The following PDZD8 variants were observed in gnomAD, a reference collection of about 807,000 sequenced individuals.
PDZD8 encodes the protein PDZ domain-containing protein 8.
PDZD8 carries 14 observed loss-of-function variants against 85.8 expected under a neutral mutation model. That is an observed-to-expected ratio of 0.16 (90% CI 0.11 to 0.26). The LOEUF (loss-of-function observed/expected upper bound fraction) is 0.26. PDZD8 is among the 10% of genes least tolerant of loss of function. The pLI is 1.00. For synonymous variants in PDZD8, 592 were observed against 568.6 expected, an observed-to-expected ratio of 1.04 and a Z score of -0.59; for missense variants, 1,197 against 1,424.3, an observed-to-expected ratio of 0.84 and a Z score of 2.57.
intron 2 of PDZD8, among the ~76,000 whole-genome samples, chr10:117,330,635 T>A (rs1054761859): frequency 1.3e-5 from 2 of 152,232 alleles, no homozygotes; most frequent in Non-Finnish European, 2.9e-5. Context: ...TTCTTGTTCC[T>A]ATTAAAACAT....
At chr10:117,296,497 C>T (rs1168516489) in intron 3 of PDZD8, among the ~76,000 whole-genome samples, 3 of 151,986 alleles carry the variant, frequency 2.0e-5, no homozygotes, top group African/African-American at 4.8e-5. Flanking sequence ...AAGAAATGGA[C>T]CAAGAACAGC....
chr10:117,290,358 A>C lies in PDZD8; in HGVS notation c.1099-10T>G. On this transcript the variant is annotated splice_polypyrimidine_tract_variant and intron_variant, in intron 3 of 4. Coordinates refer to ENST00000334464, the MANE Select transcript of PDZD8 (RefSeq NM_173791.5). ...CTTTTATTAATTCAACCTTTGATAA[A>C]GGGGAAAAAAATGAAAACTGATTCA... The C allele has an allele frequency of 6.3e-7, 1 of 1,583,306 alleles. No individual in the cohort carries two copies. The highest frequency in any genetic ancestry group is 8.6e-7 in the Non-Finnish European group (1 of 1,161,222).
chr10:117,292,001 G>A (rs1844775921), intron 3 of PDZD8, among the ~76,000 whole-genome samples: 1 of 152,140 alleles, frequency 6.6e-6, no homozygotes, highest in Admixed American at 6.5e-5. Context: ...GATATCTCAT[G>A]AGGGACTTTG....
At chr10:117,324,466 G>T (rs1844281781) in intron 2 of PDZD8, among the ~76,000 whole-genome samples, 1 of 152,120 alleles carries the variant, frequency 6.6e-6, no homozygotes, top group African/African-American at 2.4e-5. Context: ...ACTCTCATCA[G>T]ATTTTTAGCC....
At chr10:117,321,233 A>G (rs1426777472) in intron 2 of PDZD8, among the ~76,000 whole-genome samples, 1 of 152,196 alleles carries the variant, frequency 6.6e-6, no homozygotes, top group Admixed American at 6.5e-5. Flanking sequence ...CAAAAAGTGG[A>G]AACAAGCCAA....
intron 1 of PDZD8, among the ~76,000 whole-genome samples, chr10:117,364,201 T>TGAGA: frequency 7.1e-6 from 1 of 141,390 alleles, no homozygotes; most frequent in East Asian, 2.3e-4. Flanking sequence ...TGTGTGTGTG[T>TGAGA]GTGTGTGAGA....
At chr10:117,291,785 T>C (rs1426218423) in intron 3 of PDZD8, among the ~76,000 whole-genome samples, 5 of 151,766 alleles carry the variant, frequency 3.3e-5, no homozygotes, top group Admixed American at 2.6e-4. Flanking sequence ...GGAATGTGGA[T>C]ACTAGATTAA....
Position 117,374,786 on chromosome 10 carries a change from C to T in PDZD8, c.442G>A (p.Val148Met), listed in dbSNP as rs767626240. The T allele has an allele frequency of 6.2e-7, 1 of 1,613,160 alleles. No homozygotes were observed. The highest frequency in any genetic ancestry group is 1.3e-5 in the African/African-American group (1 of 75,038). ...RLLEGLSLRD[V>M]FLGETVPFIK... is the part of the protein sequence containing the mutation. Reference sequence around the variant, plus strand: ...AAGGGCACCGTCTCGCCCAGGAACACGTCCCGCAGGCTCAGCCCCTCCAGC... The same window carrying T: ...AAGGGCACCGTCTCGCCCAGGAACATGTCCCGCAGGCTCAGCCCCTCCAGC... The change falls in exon 1 of 5, where the codon GTG becomes ATG. Residue 148 changes from valine (V) to methionine (M), a missense_variant. By Grantham distance (21) the Val-to-Met change is conservative. Around this residue, in one of 4 missense-constraint regions of PDZD8, gnomAD observed 344 missense variants for 453.6 expected, o/e 0.76. Transcript: ENST00000334464. This position sits in a 1 kb window ranked among gnomAD's most constrained non-coding sequence, Gnocchi z 7.8.
At position 117,277,516 on chromosome 10, in the gene PDZD8, A is replaced by G. The variant is rs363280; in HGVS notation, c.*5752T>C. The G allele has an allele frequency of 4.8e-5, 11 of 228,018 alleles. No homozygotes were observed. Among genetic ancestry groups the G allele is most frequent in the African/African-American group, 2.5e-4 (11 of 44,282 alleles). The allele number at this position is 228,018 out of a possible 1,614,324, so 14.1% of individuals were successfully genotyped here. A position where few individuals can be genotyped will look rare whatever the true frequency, so the allele number is the denominator to read the frequency against. ...TGTATTTAATTTTATTAAATATCATACAATATATTTTGATGAAATAGGTAT... is the reference window on the plus strand; with the variant it reads ...TGTATTTAATTTTATTAAATATCATGCAATATATTTTGATGAAATAGGTAT... On this transcript the variant is annotated 3_prime_UTR_variant, in exon 5 of 5. Coordinates refer to ENST00000334464, the MANE Select transcript of PDZD8 (RefSeq NM_173791.5).
chr10:117,341,336 C>G (rs1844608937), intron 1 of PDZD8, among the ~76,000 whole-genome samples: 1 of 152,008 alleles, frequency 6.6e-6, no homozygotes, highest in African/African-American at 2.4e-5. Flanking sequence ...CAAGAGAGAA[C>G]AAAGAAAAGA....
chr10:117,289,350 G>T (rs1022722777), intron 4 of PDZD8, among the ~76,000 whole-genome samples: 1 of 152,158 alleles, frequency 6.6e-6, no homozygotes, highest in African/African-American at 2.4e-5. Flanking sequence ...CCTTGATTTG[G>T]GAACTGTTCT....
At position 117,284,911 on chromosome 10, in the gene PDZD8, T is replaced by C. The variant is rs781010687; in HGVS notation, c.1822A>G (p.Asn608Asp). The C allele has an allele frequency of 6.2e-7, 1 of 1,614,146 alleles. No individual in the cohort carries two copies. The highest frequency in any genetic ancestry group is 2.2e-5 in the East Asian group (1 of 44,888). ...ACGAGAACATCTGGTTCTGCCTGAT[T>C]TGGAGCATCGGCGGAAGGCAAAGGA... ...KVPLPSADAP[N>D]QAEPDVLVEK... The change falls in exon 5 of 5, where the codon AAT becomes GAT. Residue 608 changes from asparagine (N) to aspartate (D), a missense_variant. Physicochemically the swap from Asn to Asp is conservative, Grantham distance 23. Transcript: ENST00000334464.
Position 117,375,309 on chromosome 10 carries a change from T to A in PDZD8, c.-82A>T. The stretch of plus-strand genomic sequence containing the variant: ...ACGCCGCCGCCCCCGCTGCCTCCAT[T>A]TTGAGGACATCGGGCGGCTGGGTCG... On this transcript the variant is annotated 5_prime_UTR_variant, in exon 1 of 5. Transcript: ENST00000334464. 1 of 1,288,230 alleles carries A rather than the reference T, an allele frequency of 7.8e-7. No homozygotes were observed. The highest frequency in any genetic ancestry group is 1.0e-6 in the Non-Finnish European group (1 of 981,022). 79.8% of individuals were successfully genotyped at this position (1,288,230 alleles called of 1,614,324 possible).
intron 1 of PDZD8, among the ~76,000 whole-genome samples, chr10:117,344,475 C>T (rs1480247346): frequency 2.0e-5 from 3 of 152,212 alleles, no homozygotes; most frequent in African/African-American, 7.2e-5. Flanking sequence ...GCAAGCTCTA[C>T]CGCCTGGGTT....
At chr10:117,352,065 T>C (rs975989686) in intron 1 of PDZD8, among the ~76,000 whole-genome samples, 1 of 152,198 alleles carries the variant, frequency 6.6e-6, no homozygotes, top group African/African-American at 2.4e-5. Flanking sequence ...AGCCTTCTTC[T>C]CCTGTGTAGA....
intron 1 of PDZD8, among the ~76,000 whole-genome samples, chr10:117,348,992 C>T (rs191881919): frequency 6.6e-6 from 1 of 152,298 alleles, no homozygotes; most frequent in Non-Finnish European, 1.5e-5. Context: ...GCAAGAATCG[C>T]AAATCATTTT....
intron 1 of PDZD8, among the ~76,000 whole-genome samples, chr10:117,359,666 G>A (rs1358431858): frequency 2.0e-5 from 3 of 152,024 alleles, no homozygotes; most frequent in Admixed American, 2.0e-4. Context: ...AGCCGAGGTC[G>A]CACCACTACA....
chr10:117,353,803 C>A (rs1297559254), intron 1 of PDZD8, among the ~76,000 whole-genome samples: 2 of 152,002 alleles, frequency 1.3e-5, no homozygotes, highest in Non-Finnish European at 2.9e-5. Flanking sequence ...ATTTTCTTGA[C>A]TTTTAAGTGA....
rs377254565 is a variant in PDZD8, at chr10:117,284,470, A to G, written c.2263T>C (p.Leu755=). ...TTAGGTGAGGGGGCTTCCAGTCTCAATTTGGAAAGGTATTCCGTGTTTGAT... is the reference window on the plus strand; with the variant it reads ...TTAGGTGAGGGGGCTTCCAGTCTCAGTTTGGAAAGGTATTCCGTGTTTGAT... ...ATSNTEYLSK[L]RLEAPSPKAI... The change falls in exon 5 of 5, where the codon TTG becomes CTG. Residue 755 remains leucine (L), a synonymous_variant. Transcript: ENST00000334464. 1.1e-5 allele frequency: 18 copies of G among 1,614,160 alleles called. No individual in the cohort carries two copies. The highest frequency in any genetic ancestry group is 1.1e-4 in the South Asian group (10 of 91,082).
Sources: gnomAD v4.1 joint callset for allele counts (sites outside exome capture counted in the v4.1 genomes callset) on GRCh38, gnomAD v4.1.1 for gene constraint, gnomAD v4.1.1 regional missense constraint, Gnocchi (gnomAD v3.1) non-coding constraint, MANE v1.5 for transcripts, NCBI Gene and HGNC (gene_info 2026-07-23, HGNC 2026-07-21) for gene names.